DNAH11: variants seen among roughly 807,000 people sequenced by gnomAD.
The protein encoded by DNAH11 is axonemal beta dynein heavy chain 11.
DNAH11 carries 442 observed loss-of-function variants against 526.0 expected under a neutral mutation model. The observed-to-expected ratio is 0.84, with a 90% CI of 0.78 to 0.91. The LOEUF (loss-of-function observed/expected upper bound fraction) is 0.91. Ranked by LOEUF, DNAH11 falls within the 40% of genes least tolerant of loss-of-function variation. The pLI is 0.00. For synonymous variants in DNAH11, 2,461 were observed against 1,935.9 expected (o/e 1.27, Z -7.12); for missense variants, 6,989 against 5,448.7 (o/e 1.28, Z -8.90).
Position 21,779,015 on chromosome 7 carries a change from C to A in DNAH11, c.9394C>A (p.His3132Asn). ...SQEAELQLRN[H>N]DAEALITKIG... ...AGAAGCCGAGCTGCAACTGAGAAAT[C>A]ATGATGCCGAAGCTCTGATCACAAA... The change falls in exon 57 of 82, where the codon CAT becomes AAT. Residue 3132 changes from histidine (H) to asparagine (N), a missense_variant. By Grantham distance (68) the His-to-Asn change is moderately conservative. Transcript: ENST00000409508. 6.2e-7 allele frequency: 1 copy of A among 1,613,366 alleles called. No individual in the cohort carries two copies. The highest frequency in any genetic ancestry group is 2.2e-5 in the East Asian group (1 of 44,816).
Position 21,575,521 on chromosome 7 carries a change from AACAG to A in DNAH11, c.1593+3550_1593+3553del, listed in dbSNP as rs1784056778. Among the ~76,000 whole-genome samples the A allele has an allele frequency of 3.3e-5, 5 of 152,212 alleles. No homozygotes were observed. The South Asian group carries it at 1.0e-3, about 32-fold the overall frequency. On this transcript the variant is annotated intron_variant, in intron 8 of 81. Coordinates refer to ENST00000409508, the MANE Select transcript of DNAH11 (RefSeq NM_001277115.2). ...ATGTAGTGTTTTCTCATTTTAATTAAACAGATTTCATCTTTATTAGTCATACACA... is the reference window on the plus strand; with the variant it reads ...ATGTAGTGTTTTCTCATTTTAATTAAATTTCATCTTTATTAGTCATACACA...
chr7:21,645,093 T>C (rs2128461971), intron 28 of DNAH11, among the ~76,000 whole-genome samples: 2 of 152,364 alleles, frequency 1.3e-5, no homozygotes, highest in Middle Eastern at 3.4e-3. Flanking sequence ...GTTATTATAA[T>C]GTGAGATTAA....
chr7:21,601,578 A>G lies in DNAH11; in HGVS notation c.3608A>G (p.Tyr1203Cys), dbSNP rs1277514397. Residue 1203 changes from tyrosine to cysteine, a missense_variant, in exon 18 of 82, where the codon TAT (tyrosine) becomes TGT (cysteine). Tyr to Cys is a radical substitution (Grantham distance 194). Coordinates refer to ENST00000409508, the MANE Select transcript of DNAH11 (RefSeq NM_001277115.2). ...LKETITLLES[Y>C]GQKMPEQVYI... is the part of the protein sequence containing the mutation. ...GAAACGATCACCCTCTTGGAAAGCT[A>G]TGGCCAGAAGATGCCTGAGCAGGTC... The G allele has an allele frequency of 8.1e-6, 13 of 1,605,310 alleles. No homozygotes were observed. Among genetic ancestry groups the G allele is most frequent in the Non-Finnish European group, 1.1e-5 (13 of 1,173,092 alleles).
intron 60 of DNAH11, among the ~76,000 whole-genome samples, chr7:21,788,371 C>A (rs972224781): frequency 1.3e-5 from 2 of 152,112 alleles, no homozygotes; most frequent in African/African-American, 4.8e-5. Context: ...CTTGATCTCT[C>A]TCTCTCTTTA....
chr7:21,878,467 C>G (rs1445313782), intron 74 of DNAH11, among the ~76,000 whole-genome samples: 1 of 152,220 alleles, frequency 6.6e-6, no homozygotes, highest in Non-Finnish European at 1.5e-5. Flanking sequence ...AAATTTCTCA[C>G]ATTTAAAAGT....
rs1192083655 is a variant in DNAH11, at chr7:21,690,871, G to A, written c.6031G>A (p.Ala2011Thr). ...GRTELPENLKALFRPCAMVAP... is the reference protein window; with the variant it reads ...GRTELPENLKTLFRPCAMVAP... ...AACCGAATTACCGGAAAATCTCAAA[G>A]CTCTTTTCAGGCAAGTGTTATGCTT... is the stretch of plus-strand genomic sequence containing the variant. The change falls in exon 35 of 82, where the codon GCT becomes ACT. Residue 2011 changes from alanine (A) to threonine (T), a missense_variant. Transcript: ENST00000409508. 6.2e-7 allele frequency: 1 copy of A among 1,611,530 alleles called. No homozygotes were observed. The highest frequency in any genetic ancestry group is 2.2e-5 in the East Asian group (1 of 44,764).
rs1228444415 is a variant in DNAH11, at chr7:21,728,782, A to G, written c.7440+2798A>G. Reference sequence around the variant, plus strand: ...GAACAGGCATAGGATAGACCTTTCTATTCCAAAAGGGAGAAATCAGAAGAA... The same window carrying G: ...GAACAGGCATAGGATAGACCTTTCTGTTCCAAAAGGGAGAAATCAGAAGAA... On this transcript the variant is annotated intron_variant, in intron 45 of 81. Transcript: ENST00000409508. Among the ~76,000 whole-genome samples the G allele has an allele frequency of 3.3e-5, 5 of 152,376 alleles. No individual in the cohort carries two copies. In the South Asian group the frequency reaches 8.3e-4, roughly 25 times the overall value.
At chr7:21,881,109 A>G (rs1434842285) in intron 75 of DNAH11, among the ~76,000 whole-genome samples, 1 of 152,094 alleles carries the variant, frequency 6.6e-6, no homozygotes, top group Non-Finnish European at 1.5e-5. Context: ...CCAGTTCTAC[A>G]TCAGCAGCTT....
rs190948438 is a variant in DNAH11, at chr7:21,715,114, A to C, written c.6984-2661A>C. On this transcript the variant is annotated intron_variant, in intron 42 of 81. Coordinates refer to ENST00000409508, the MANE Select transcript of DNAH11 (RefSeq NM_001277115.2). ...ACACTGCTAGTCAGCATGTACTGCT[A>C]ACGTCTGCCATTTTTCCAGGCCACG... Among the ~76,000 whole-genome samples the C allele has an allele frequency of 1.3e-3, 198 of 152,334 alleles. 2 individuals carry two copies. The Middle Eastern group carries it at 0.02, about 16-fold the overall frequency.
At chr7:21,799,899 C>T (rs116683345) in intron 61 of DNAH11, among the ~76,000 whole-genome samples, 1,673 of 152,198 alleles carry the variant, frequency 0.011, 25 homozygotes, top group African/African-American at 0.038. Context: ...AAAAGCAATG[C>T]TATAAATCTT....
intron 66 of DNAH11, among the ~76,000 whole-genome samples, chr7:21,845,760 T>C (rs1782393730): frequency 6.6e-6 from 1 of 152,190 alleles, no homozygotes; most frequent in African/African-American, 2.4e-5. Flanking sequence ...TAAAATAATG[T>C]ACAGGTATTT....
intron 65 of DNAH11, among the ~76,000 whole-genome samples, chr7:21,825,035 C>T (rs564965529): frequency 6.6e-6 from 1 of 152,222 alleles, no homozygotes; most frequent in Admixed American, 6.5e-5. Context: ...CCAGGCCTGG[C>T]TAATTTTTTT....
chr7:21,636,546 G>A (rs1786874433), intron 26 of DNAH11, among the ~76,000 whole-genome samples: 1 of 152,044 alleles, frequency 6.6e-6, no homozygotes, highest in Non-Finnish European at 1.5e-5. Flanking sequence ...ACAAGCCTAG[G>A]CAGTATGGTG....
chr7:21,599,760 C>A, intron 14 of DNAH11, 27 bp from the exon 15 acceptor site: 6 of 1,436,292 alleles, frequency 4.2e-6, no homozygotes, highest in Non-Finnish European at 5.6e-6. Context: ...TGTTTATATT[C>A]ATCCACTAAT....
chr7:21,668,136 C>T (rs1304385764), intron 30 of DNAH11, among the ~76,000 whole-genome samples: 1 of 152,048 alleles, frequency 6.6e-6, no homozygotes, highest in Non-Finnish European at 1.5e-5. Context: ...CCTAAGTTAG[C>T]ATATCTTCTT....
chr7:21,830,125 T>C (rs1297235395), intron 65 of DNAH11, among the ~76,000 whole-genome samples: 1 of 152,232 alleles, frequency 6.6e-6, no homozygotes, highest in Non-Finnish European at 1.5e-5. Flanking sequence ...GGTTAATTTA[T>C]AGATGATACG....
At chr7:21,626,348 AATCT>A (rs1252323703) in intron 25 of DNAH11, among the ~76,000 whole-genome samples, 4 of 152,164 alleles carry the variant, frequency 2.6e-5, no homozygotes, top group Non-Finnish European at 5.9e-5. Context: ...GCCATTCTTA[AATCT>A]ATCTGTTAGT....
intron 28 of DNAH11, among the ~76,000 whole-genome samples, chr7:21,643,825 T>C (rs976438863): frequency 1.3e-5 from 2 of 152,138 alleles, no homozygotes; most frequent in African/African-American, 4.8e-5. Flanking sequence ...ATGCAAAAGA[T>C]CTCACTTTTT....
Position 21,590,090 on chromosome 7 carries a change from T to G in DNAH11, c.2169+687T>G, listed in dbSNP as rs558303138. Among the ~76,000 whole-genome samples, 40 of 152,266 alleles carry G rather than the reference T, an allele frequency of 2.6e-4. No homozygotes were observed. In the South Asian group the frequency reaches 7.7e-3, roughly 29 times the overall value. ...TGGTAAGTCATGTAACAAAGGAAATTTCATATATTTTCTCAATTCTCATAA... is the reference window on the plus strand; with the variant it reads ...TGGTAAGTCATGTAACAAAGGAAATGTCATATATTTTCTCAATTCTCATAA... On this transcript the variant is annotated intron_variant, in intron 12 of 81. Transcript: ENST00000409508.
Sources: allele counts gnomAD v4.1 joint callset (sites outside exome capture counted in the v4.1 genomes callset), GRCh38; gene constraint gnomAD v4.1.1; transcripts MANE v1.5; gene names NCBI Gene and HGNC (gene_info 2026-07-23, HGNC 2026-07-21).